Variants in FBXW11 observed in about 807,000 individuals in gnomAD.
FBXW11 encodes F-box and WD repeat domain containing 11, also known as F-box/WD repeat-containing protein 11.
In FBXW11, 19 loss-of-function variants were observed where a neutral mutation model predicts 77.6. That is an observed-to-expected ratio of 0.24 (90% CI 0.17 to 0.36). The LOEUF (loss-of-function observed/expected upper bound fraction) is 0.36, where lower values mean the gene tolerates loss of function less well. Among genes scored for constraint, FBXW11 ranks in the 10% least tolerant of loss-of-function variants. The pLI, the probability that FBXW11 is intolerant of heterozygous loss-of-function variation, is 1.00. For synonymous variants in FBXW11, 235 were observed against 249.4 expected (o/e 0.94, Z 0.54); for missense variants, 334 against 704.2 (o/e 0.47, Z 5.95).
Position 171,927,129 on chromosome 5 carries a change from T to C in FBXW11, c.148-12724A>G, listed in dbSNP as rs1193238815. On this transcript the variant is annotated intron_variant, in intron 2 of 13. Coordinates refer to ENST00000517395, the MANE Select transcript of FBXW11 (RefSeq NM_001378974.1). ...CTCAAGACCTGGGAATAGGCAAAAC[T>C]TTTTTAAACAATACACAACTGCTAA... Among the ~76,000 whole-genome samples the C allele has an allele frequency of 2.0e-5, 3 of 152,178 alleles. 1 individual carries two copies. Among genetic ancestry groups the C allele is most frequent in the Admixed American group, 2.0e-4 (3 of 15,268 alleles).
At chr5:171,978,386 T>C (rs1425768720) in intron 1 of FBXW11, among the ~76,000 whole-genome samples, 1 of 152,186 alleles carries the variant, frequency 6.6e-6, no homozygotes, top group Non-Finnish European at 1.5e-5. Flanking sequence ...TTTCAAGGTA[T>C]TTCTATAAAC....
Position 171,941,409 on chromosome 5 carries a change from AAAG to A in FBXW11, c.147+16185_147+16187del, listed in dbSNP as rs1483745440. The stretch of plus-strand genomic sequence containing the variant: ...TAACTCTTCCAGACTGAAAAAAACT[AAAG>A]AAGTGTGACAACTAAAGGCAATGCA... On this transcript the variant is annotated intron_variant, in intron 2 of 13. Transcript: ENST00000517395. Among the ~76,000 whole-genome samples, 11 of 151,952 alleles carry A rather than the reference AAAG, an allele frequency of 7.2e-5. No individual in the cohort carries two copies. In the South Asian group the frequency reaches 8.3e-4, roughly 12 times the overall value.
At chr5:171,991,592 A>G (rs946328827) in intron 1 of FBXW11, among the ~76,000 whole-genome samples, 9 of 152,196 alleles carry the variant, frequency 5.9e-5, no homozygotes, top group Non-Finnish European at 1.0e-4. Flanking sequence ...CCCATTTCCC[A>G]TCTTAACGTT....
At chr5:171,897,819 G>C (rs1307491330) in intron 6 of FBXW11, among the ~76,000 whole-genome samples, 1 of 150,860 alleles carries the variant, frequency 6.6e-6, no homozygotes, top group Non-Finnish European at 1.5e-5. Flanking sequence ...AAATGCCTTA[G>C]TACAACTACC....
chr5:171,900,177 A>G, intron 4 of FBXW11, 77 bp from the exon 5 acceptor site: 5 of 1,276,336 alleles, frequency 3.9e-6, no homozygotes, highest in Non-Finnish European at 5.4e-6. Context: ...TAAAGATAAG[A>G]GGAATAAAGA....
At position 171,899,906 on chromosome 5, in the gene FBXW11, G is replaced by A; in HGVS notation, c.623+8C>T. The stretch of plus-strand genomic sequence containing the variant: ...TTTTTCAAGGGAACAAGCAACCCAA[G>A]TACTTACCACCCTCTTCTTTCTGAA... On this transcript the variant is annotated splice_region_variant and intron_variant, in intron 5 of 13. Coordinates refer to ENST00000517395, the MANE Select transcript of FBXW11 (RefSeq NM_001378974.1). The A allele has an allele frequency of 6.3e-7, 1 of 1,597,732 alleles. No individual in the cohort carries two copies. The highest frequency in any genetic ancestry group is 8.5e-7 in the Non-Finnish European group (1 of 1,172,212).
intron 9 of FBXW11, among the ~76,000 whole-genome samples, chr5:171,875,451 G>A (rs1758016409): frequency 6.6e-6 from 1 of 152,196 alleles, no homozygotes; most frequent in African/African-American, 2.4e-5. Context: ...GGACTGGGAA[G>A]AAACACAGGC....
At chr5:172,000,818 T>C (rs973630389) in intron 1 of FBXW11, among the ~76,000 whole-genome samples, 1 of 152,212 alleles carries the variant, frequency 6.6e-6, no homozygotes, top group African/African-American at 2.4e-5. Flanking sequence ...GTCACACAGC[T>C]AGCAAGCGAC....
chr5:171,931,024 A>G (rs1379087928), intron 2 of FBXW11, among the ~76,000 whole-genome samples: 1 of 152,142 alleles, frequency 6.6e-6, no homozygotes, highest in East Asian at 1.9e-4. Context: ...AAGGAAATCA[A>G]AGAACTAAAT....
intron 1 of FBXW11, among the ~76,000 whole-genome samples, chr5:171,979,077 C>T (rs1765005128): frequency 6.6e-6 from 1 of 152,070 alleles, no homozygotes. Flanking sequence ...TACTCATGCT[C>T]TTAAAAAAAG....
intron 2 of FBXW11, among the ~76,000 whole-genome samples, chr5:171,915,928 T>A (rs1008417568): frequency 7.9e-5 from 12 of 152,066 alleles, no homozygotes; most frequent in Non-Finnish European, 1.6e-4. Flanking sequence ...GATGAGTTCA[T>A]GTCCTTTGTA....
At chr5:171,919,981 C>T (rs574529658) in intron 2 of FBXW11, among the ~76,000 whole-genome samples, 15 of 152,088 alleles carry the variant, frequency 9.9e-5, no homozygotes, top group Non-Finnish European at 1.9e-4. Context: ...CATGGTGAAA[C>T]CCCATCTCTA....
Position 171,869,093 on chromosome 5 carries a change from T to C in FBXW11, c.1531-297A>G, listed in dbSNP as rs1434674598. On this transcript the variant is annotated intron_variant, in intron 12 of 13. Coordinates refer to ENST00000517395, the MANE Select transcript of FBXW11 (RefSeq NM_001378974.1). This position sits in a 1 kb window ranked among gnomAD's most constrained non-coding sequence, Gnocchi z 4.1. ...AACAATACATAATACCCATTCTTGA[T>C]ACACTCTAAAAATCCACTGGAAAAC... 2.0e-5 allele frequency among the ~76,000 whole-genome samples: 3 copies of C among 152,224 alleles called. No individual in the cohort carries two copies. Among genetic ancestry groups the C allele is most frequent in the African/African-American group, 7.2e-5 (3 of 41,462 alleles).
intron 1 of FBXW11, among the ~76,000 whole-genome samples, chr5:171,963,822 C>T (rs545337608): frequency 1.3e-5 from 2 of 152,170 alleles, no homozygotes; most frequent in South Asian, 2.1e-4. Flanking sequence ...TTGCCGCAAA[C>T]GATAAAAGAA....
At chr5:171,947,998 G>A (rs1266051121) in intron 2 of FBXW11, among the ~76,000 whole-genome samples, 2 of 152,168 alleles carry the variant, frequency 1.3e-5, no homozygotes, top group East Asian at 1.9e-4. Flanking sequence ...CACTTTGGGA[G>A]GCCAAGGTGG....
At position 171,876,154 on chromosome 5, in the gene FBXW11, C is replaced by T. The variant is rs911141865; in HGVS notation, c.1221+131G>A. The T allele has an allele frequency of 1.5e-5, 16 of 1,084,588 alleles. No homozygotes were observed. Among genetic ancestry groups the T allele is most frequent in the African/African-American group, 6.2e-5 (4 of 64,722 alleles). 67.2% of individuals were successfully genotyped at this position (1,084,588 alleles called of 1,614,324 possible). On this transcript the variant is annotated intron_variant, in intron 9 of 13. Transcript: ENST00000517395. This position sits in a 1 kb window ranked among gnomAD's most constrained non-coding sequence, Gnocchi z 4.2. Reference sequence around the variant, plus strand: ...TCTACAGATATACAGAGTGGGATGGCCTCAAGGGTTCATAAGCACAGAGGA... The same window carrying T: ...TCTACAGATATACAGAGTGGGATGGTCTCAAGGGTTCATAAGCACAGAGGA...
intron 9 of FBXW11, among the ~76,000 whole-genome samples, chr5:171,875,091 T>C (rs181180961): frequency 2.0e-5 from 3 of 152,192 alleles, no homozygotes; most frequent in Admixed American, 2.0e-4. Context: ...AATAAACAGA[T>C]GAACAATGAA....
chr5:171,864,953 C>G (rs1213788985), intron 13 of FBXW11, among the ~76,000 whole-genome samples: 2 of 148,974 alleles, frequency 1.3e-5, no homozygotes, highest in African/African-American at 2.5e-5. Flanking sequence ...TCTAAAGTCA[C>G]CTTAGGTGGC....
chr5:171,882,720 A>G (rs1220560325), intron 7 of FBXW11, among the ~76,000 whole-genome samples: 1 of 151,220 alleles, frequency 6.6e-6, no homozygotes, highest in Non-Finnish European at 1.5e-5. Flanking sequence ...TTTTTTACTG[A>G]TTTCTAGTTT....
Sources: gnomAD v4.1 joint callset for allele counts (sites outside exome capture counted in the v4.1 genomes callset) on GRCh38, gnomAD v4.1.1 for gene constraint, Gnocchi (gnomAD v3.1) non-coding constraint, MANE v1.5 for transcripts, NCBI Gene and HGNC (gene_info 2026-07-23, HGNC 2026-07-21) for gene names.